Variants in LINGO2 observed in about 807,000 individuals in gnomAD.
The protein encoded by LINGO2 is leucine-rich repeat and immunoglobulin-like domain-containing nogo receptor-interacting protein 2.
LINGO2 carries 14 observed loss-of-function variants against 30.6 expected under a neutral mutation model. That is an observed-to-expected ratio of 0.46 (90% CI 0.30 to 0.72). The LOEUF (loss-of-function observed/expected upper bound fraction) is 0.72, where lower values mean the gene tolerates loss of function less well. Among genes scored for constraint, LINGO2 ranks in the 30% least tolerant of loss-of-function variants. The probability of loss-of-function intolerance (pLI) is 0.07; values close to 1 mark genes in which losing one functional copy is unlikely to be tolerated. For missense variants in LINGO2, 729 were observed against 751.7 expected (o/e 0.97, Z 0.35); for synonymous variants, 317 against 288.5 (o/e 1.10, Z -1.00).
intron 1 of LINGO2, among the ~76,000 whole-genome samples, chr9:28,576,915 A>T (rs1013121554): frequency 2.0e-5 from 3 of 152,174 alleles, no homozygotes; most frequent in African/African-American, 7.2e-5. Context: ...ATATTTAAGA[A>T]CTGCAAAATT....
intron 4 of LINGO2, among the ~76,000 whole-genome samples, chr9:28,157,337 A>G (rs1211158195): frequency 6.6e-6 from 1 of 152,074 alleles, no homozygotes; most frequent in Non-Finnish European, 1.5e-5. Context: ...CTCTACATTG[A>G]CCCCTTTCAG....
At chr9:28,741,230 T>C in the LINGO2 span, among the ~76,000 whole-genome samples, 143,255 of 151,940 alleles carry the variant, frequency 0.94, 68,069 homozygotes, top group Non-Finnish European at 1. Context: ...TAGCATTGGA[T>C]AGGACTGTAT....
At chr9:29,137,029 C>T in the LINGO2 span, among the ~76,000 whole-genome samples, 1 of 152,128 alleles carries the variant, frequency 6.6e-6, no homozygotes, top group African/African-American at 2.4e-5. Flanking sequence ...CAAGAAAACA[C>T]ATACTAAGCC....
intron 1 of LINGO2, among the ~76,000 whole-genome samples, chr9:28,628,094 C>T (rs1240783384): frequency 6.6e-6 from 1 of 151,844 alleles, no homozygotes; most frequent in East Asian, 1.9e-4. Flanking sequence ...GCTGGTCACC[C>T]AAGCAGAAAA....
At chr9:28,312,853 C>T (rs1462208333) in intron 3 of LINGO2, among the ~76,000 whole-genome samples, 1 of 152,112 alleles carries the variant, frequency 6.6e-6, no homozygotes, top group Non-Finnish European at 1.5e-5. Flanking sequence ...TGCCTTTATT[C>T]TTAATCAGGG....
the LINGO2 span, among the ~76,000 whole-genome samples, chr9:29,018,634 C>T: frequency 6.6e-6 from 1 of 152,046 alleles, no homozygotes; most frequent in Non-Finnish European, 1.5e-5. Context: ...TAGTAACTTA[C>T]TAGAAGTCCC....
At chr9:28,316,994 A>T (rs1043114198) in intron 3 of LINGO2, among the ~76,000 whole-genome samples, 1 of 152,188 alleles carries the variant, frequency 6.6e-6, no homozygotes, top group Non-Finnish European at 1.5e-5. Context: ...TTTCACCTAC[A>T]TGACAATGTA....
At chr9:28,049,591 C>G (rs1824577552) in intron 4 of LINGO2, among the ~76,000 whole-genome samples, 1 of 150,602 alleles carries the variant, frequency 6.6e-6, no homozygotes, top group African/African-American at 2.5e-5. Flanking sequence ...CTAGATTTTA[C>G]CGCTTATTAG....
chr9:29,201,500 G>A, the LINGO2 span, among the ~76,000 whole-genome samples: 1 of 151,932 alleles, frequency 6.6e-6, no homozygotes, highest in South Asian at 2.1e-4. Flanking sequence ...ATAACCATGT[G>A]TTTAAACTAC....
rs1011479902 is a variant in LINGO2 at position 28,361,662 on chromosome 9, G to A, written c.-246+11174C>T. 6.6e-5 allele frequency among the ~76,000 whole-genome samples: 10 copies of A among 151,872 alleles called. 1 individual carries two copies. Among genetic ancestry groups the A allele is most frequent in the African/African-American group, 2.4e-4 (10 of 41,386 alleles). On this transcript the variant is annotated intron_variant, in intron 3 of 5. Coordinates refer to ENST00000379992, the Ensembl canonical transcript of LINGO2. Reference sequence around the variant, plus strand: ...CCTTGATTTTTGAACAAAAAAAAAAGCTATTTGCCTCTAAAAATTCATATG... The same window carrying A: ...CCTTGATTTTTGAACAAAAAAAAAAACTATTTGCCTCTAAAAATTCATATG...
chr9:28,673,666 C>T (rs993635299), upstream of LINGO2, among the ~76,000 whole-genome samples: 3 of 111,790 alleles, frequency 2.7e-5, no homozygotes, highest in African/African-American at 7.9e-5. Context: ...GACTCTGTCT[C>T]GATCATCATC....
At chr9:28,846,020 G>T in the LINGO2 span, among the ~76,000 whole-genome samples, 4 of 142,126 alleles carry the variant, frequency 2.8e-5, no homozygotes, top group Non-Finnish European at 6.1e-5. Flanking sequence ...ACACACACAC[G>T]CAGGCACACA....
rs1825392748 is a variant in LINGO2, at chr9:28,330,828, C to A, written c.-245-35462G>T. ...GGACATGTGGTGTTCAAAAGAGTGA[C>A]CACAAATTTTGGATTAGAAAAATAA... On this transcript the variant is annotated intron_variant, in intron 3 of 5. Coordinates refer to ENST00000379992, the Ensembl canonical transcript of LINGO2. 3.3e-5 allele frequency among the ~76,000 whole-genome samples: 5 copies of A among 152,004 alleles called. No homozygotes were observed. The South Asian group carries it at 1.0e-3, about 32-fold the overall frequency.
chr9:28,965,509 A>T, the LINGO2 span, among the ~76,000 whole-genome samples: 2 of 152,024 alleles, frequency 1.3e-5, no homozygotes, highest in African/African-American at 2.4e-5. Context: ...TCGCATTGTA[A>T]GTTCTGTAAT....
At chr9:28,962,696 AC>A in the LINGO2 span, among the ~76,000 whole-genome samples, 2 of 151,836 alleles carry the variant, frequency 1.3e-5, no homozygotes, top group African/African-American at 4.8e-5. Context: ...ATAATTTACT[AC>A]ATTTCATTTA....
At chr9:29,018,095 A>ATAAATATACAT in the LINGO2 span, among the ~76,000 whole-genome samples, 1 of 24,730 alleles carries the variant, frequency 4.0e-5, no homozygotes, top group Non-Finnish European at 1.3e-4. Context: ...TACATTTTAT[A>ATAAATATACAT]TATATATATA....
At chr9:28,670,647 T>C (rs1828974577), upstream of LINGO2, among the ~76,000 whole-genome samples, 1 of 152,150 alleles carries the variant, frequency 6.6e-6, no homozygotes, top group South Asian at 2.1e-4. Context: ...GATGCTAAGT[T>C]ATAAGAAGTA....
chr9:28,634,174 T>C (rs1304327062), intron 1 of LINGO2, among the ~76,000 whole-genome samples: 3 of 152,202 alleles, frequency 2.0e-5, no homozygotes, highest in Non-Finnish European at 4.4e-5. Context: ...CTAGTTCCCA[T>C]GAAATTTACT....
At chr9:27,980,642 A>T (rs974143427) in intron 5 of LINGO2, among the ~76,000 whole-genome samples, 4 of 151,632 alleles carry the variant, frequency 2.6e-5, no homozygotes, top group Non-Finnish European at 5.9e-5. Context: ...TTCTCTTTTC[A>T]TTTGTTGGTA....
Sources: gnomAD v4.1 joint callset for allele counts (sites outside exome capture counted in the v4.1 genomes callset) on GRCh38, gnomAD v4.1.1 for gene constraint, MANE v1.5 for transcripts, NCBI Gene and HGNC (gene_info 2026-07-23, HGNC 2026-07-21) for gene names.